ZC3H11A: variants seen among roughly 807,000 people sequenced by gnomAD.
ZC3H11A encodes the protein zinc finger CCCH domain-containing protein 11A.
A neutral mutation model predicts 90.8 loss-of-function variants in ZC3H11A; 22 were observed. That is an observed-to-expected ratio of 0.24 (90% CI 0.17 to 0.35). The LOEUF (loss-of-function observed/expected upper bound fraction) is 0.35, where lower values mean the gene tolerates loss of function less well. Among genes scored for constraint, ZC3H11A ranks in the 10% least tolerant of loss-of-function variants. The pLI is 1.00. For synonymous variants in ZC3H11A, 294 were observed against 339.8 expected, an observed-to-expected ratio of 0.87 and a Z score of 1.48; for missense variants, 701 against 964.9, an observed-to-expected ratio of 0.73 and a Z score of 3.62.
chr1:203,847,558 A>G lies in ZC3H11A; in HGVS notation c.1417A>G (p.Thr473Ala), dbSNP rs1292099843. 6.2e-7 allele frequency: 1 copy of G among 1,613,946 alleles called. No individual in the cohort carries two copies. Among genetic ancestry groups the G allele is most frequent in the South Asian group, 1.1e-5 (1 of 91,074 alleles). The change falls in exon 13 of 18, where the codon ACG (threonine) becomes GCG (alanine). Residue 473 changes from threonine (T) to alanine (A), a missense_variant. Transcript: ENST00000367210. The stretch of plus-strand genomic sequence containing the variant: ...GTCTATGCAGGAGGTGCACATCAAG[A>G]CGCTGGAAGAAATTAAACTGGAGAA... ...TKSMQEVHIKTLEEIKLEKAL... is the reference protein window; with the variant it reads ...TKSMQEVHIKALEEIKLEKAL...
At chr1:203,821,103 A>AT (rs1288503773) in intron 4 of ZC3H11A, among the ~76,000 whole-genome samples, 1 of 152,046 alleles carries the variant, frequency 6.6e-6, no homozygotes, top group East Asian at 1.9e-4. Context: ...AGGTGATTGG[A>AT]TCATGGGGGC....
chr1:203,834,730 A>G (rs1451591862), intron 10 of ZC3H11A, among the ~76,000 whole-genome samples: 1 of 151,956 alleles, frequency 6.6e-6, no homozygotes. Flanking sequence ...GCTCACTGCA[A>G]CCTCCACCTC....
intron 8 of ZC3H11A, 114 bp from the exon 9 acceptor site, chr1:203,831,547 T>G (rs61827268): frequency 1.3e-6 from 1 of 787,314 alleles, no homozygotes. Flanking sequence ...GATTGGCTTA[T>G]AGTCATAATA....
chr1:203,799,510 A>T (rs1222506437), intron 1 of ZC3H11A: 1 of 702,958 alleles, frequency 1.4e-6, no homozygotes, highest in South Asian at 1.5e-5. Context: ...GAGCATTGCT[A>T]CTCAGTTCAC....
At chr1:203,841,106 C>G (rs1024566246) in intron 12 of ZC3H11A, among the ~76,000 whole-genome samples, 2 of 150,602 alleles carry the variant, frequency 1.3e-5, no homozygotes, top group African/African-American at 4.9e-5. Flanking sequence ...GAGCACATAC[C>G]ACTTTTGACC....
chr1:203,826,390 TTTTAAAAATTATAC>T (rs1233009901), intron 4 of ZC3H11A, among the ~76,000 whole-genome samples: 1 of 151,260 alleles, frequency 6.6e-6, no homozygotes, highest in Non-Finnish European at 1.5e-5. Context: ...AATTAATTCT[TTTTAAAAATTATAC>T]TTTAAAAATA....
At chr1:203,797,173 G>A (rs1399090444) in intron 1 of ZC3H11A, 1 of 168,240 alleles carries the variant, frequency 5.9e-6, no homozygotes, top group Admixed American at 6.2e-5. Context: ...ACATGGATCT[G>A]GGATTTGGAA....
chr1:203,799,918 T>G (rs184511491), intron 1 of ZC3H11A: 3 of 1,536,058 alleles, frequency 2.0e-6, no homozygotes, highest in Admixed American at 2.0e-5. Context: ...GCAGAAGAGG[T>G]CTGTAATTAT....
intron 12 of ZC3H11A, among the ~76,000 whole-genome samples, chr1:203,843,030 TC>T (rs1301806548): frequency 3.3e-5 from 5 of 152,024 alleles, no homozygotes; most frequent in African/African-American, 1.2e-4. Flanking sequence ...TTACTTTTTA[TC>T]CCCCATCCTT....
intron 2 of ZC3H11A, among the ~76,000 whole-genome samples, chr1:203,816,702 A>G (rs577195348): frequency 6.6e-6 from 1 of 152,310 alleles, no homozygotes; most frequent in African/African-American, 2.4e-5. Context: ...ACTGTGTAAC[A>G]AGCATCACAG....
At chr1:203,834,894 T>G (rs1025636846) in intron 10 of ZC3H11A, among the ~76,000 whole-genome samples, 1 of 152,254 alleles carries the variant, frequency 6.6e-6, no homozygotes, top group Admixed American at 6.5e-5. Flanking sequence ...TCCACCCGCC[T>G]CTGCCTCCCA....
Position 203,849,794 on chromosome 1 carries a change from A to G in ZC3H11A, c.1707A>G (p.Lys569=). 1 of 1,613,980 alleles carries G rather than the reference A, an allele frequency of 6.2e-7. No individual in the cohort carries two copies. The highest frequency in any genetic ancestry group is 1.1e-5 in the South Asian group (1 of 91,078). The change falls in exon 15 of 18, where the codon AAA becomes AAG. Residue 569 remains lysine (K), a synonymous_variant. Coordinates refer to ENST00000367210, the MANE Select transcript of ZC3H11A (RefSeq NM_001376342.1). ...CCATGAGAGAGAAGCACATGCAGAAACAGCAGGAGAGGGAAAAATCAGTCT... is the reference window on the plus strand; with the variant it reads ...CCATGAGAGAGAAGCACATGCAGAAGCAGCAGGAGAGGGAAAAATCAGTCT... ...CETMREKHMQ[K]QQEREKSVLT...
intron 2 of ZC3H11A, among the ~76,000 whole-genome samples, chr1:203,806,907 C>CT (rs1449786970): frequency 1.2e-5 from 1 of 85,444 alleles, no homozygotes; most frequent in Admixed American, 1.2e-4. Flanking sequence ...ACCATTTTTT[C>CT]TTTTTTGAAG....
intron 2 of ZC3H11A, among the ~76,000 whole-genome samples, chr1:203,809,100 G>A (rs1477400384): frequency 6.6e-6 from 1 of 151,376 alleles, no homozygotes; most frequent in Non-Finnish European, 1.5e-5. Context: ...AAAGTGCTAG[G>A]ATTACAGGCA....
intron 4 of ZC3H11A, among the ~76,000 whole-genome samples, chr1:203,826,421 G>A (rs1680560619): frequency 6.6e-6 from 1 of 151,388 alleles, no homozygotes. Context: ...AATATTAATA[G>A]GTAATTATGC....
In ZC3H11A at chr1:203,798,237, G is replaced by A. The variant is rs890271721; in HGVS notation, c.-1588+2443G>A. 4.6e-6 allele frequency: 7 copies of A among 1,536,100 alleles called. No individual in the cohort carries two copies. The South Asian group carries it at 4.8e-5, about 10-fold the overall frequency. On this transcript the variant is annotated intron_variant, in intron 1 of 17. Transcript: ENST00000367210. The stretch of plus-strand genomic sequence containing the variant: ...GAAGCATGATAAATCAGCATCTGAT[G>A]CCCTAAGGGCAGAAAGAGGGAGATT...
chr1:203,816,849 C>T (rs968743270), intron 2 of ZC3H11A, 77 bp from the exon 3 acceptor site: 10 of 455,960 alleles, frequency 2.2e-5, no homozygotes, highest in Admixed American at 4.1e-5. Flanking sequence ...TCTAGCAATA[C>T]GATCTCATTA....
chr1:203,818,555 TC>T lies in ZC3H11A; in HGVS notation c.55-14del. On this transcript the variant is annotated splice_polypyrimidine_tract_variant and intron_variant, in intron 3 of 17. Transcript: ENST00000367210. ...TTTCAATGCTACAAATAGAGTGTTC[TC>T]TATTTGTTTACAGGGTGACAGCTGC... 1.2e-6 allele frequency: 2 copies of T among 1,613,934 alleles called. No homozygotes were observed. Among genetic ancestry groups the T allele is most frequent in the Non-Finnish European group, 1.7e-6 (2 of 1,179,878 alleles).
At position 203,850,664 on chromosome 1, in the gene ZC3H11A, G is replaced by T; in HGVS notation, c.2089G>T (p.Ala697Ser). 4 of 1,613,996 alleles carry T rather than the reference G, an allele frequency of 2.5e-6. No individual in the cohort carries two copies. The highest frequency in any genetic ancestry group is 3.4e-6 in the Non-Finnish European group (4 of 1,179,938). ...SSSSVLQEPP[A>S]KKAAVAVVPL... ...CAGCAGTGTCCTACAGGAACCCCCA[G>T]CCAAAAAGGCAGCTGTGGTAAGAAG... is the stretch of plus-strand genomic sequence containing the variant. The change falls in exon 16 of 18, where the codon GCC becomes TCC. Residue 697 changes from alanine (A) to serine (S), a missense_variant. Around this residue, in one of 4 missense-constraint regions of ZC3H11A, gnomAD observed 91 missense variants for 86.8 expected, o/e 1.05. Coordinates refer to ENST00000367210, the MANE Select transcript of ZC3H11A (RefSeq NM_001376342.1).
Sources: allele counts gnomAD v4.1 joint callset (sites outside exome capture counted in the v4.1 genomes callset), GRCh38; gene constraint gnomAD v4.1.1; regional missense constraint gnomAD v4.1.1; transcripts MANE v1.5; gene names NCBI Gene and HGNC (gene_info 2026-07-23, HGNC 2026-07-21).